Variants in STK38 observed in about 807,000 individuals in gnomAD.
STK38 encodes the protein serine/threonine-protein kinase 38.
STK38 carries 26 observed loss-of-function variants against 59.0 expected under a neutral mutation model. The ratio of observed to expected loss-of-function variants is 0.44; its 90% CI spans 0.32 to 0.61. The LOEUF (loss-of-function observed/expected upper bound fraction) is 0.61. Ranked by LOEUF, STK38 falls within the 20% of genes least tolerant of loss-of-function variation. STK38 has a pLI of 0.04. For missense variants in STK38, 433 were observed against 566.0 expected, an observed-to-expected ratio of 0.76 and a Z score of 2.38; for synonymous variants, 175 against 176.6, an observed-to-expected ratio of 0.99 and a Z score of 0.07.
intron 5 of STK38, among the ~76,000 whole-genome samples, chr6:36,520,769 C>G (rs555292224): frequency 3.1e-3 from 473 of 152,192 alleles, no homozygotes; most frequent in African/African-American, 6.8e-3. Context: ...TAAAGCTTCT[C>G]GGTAACACAT....
At chr6:36,518,776 A>C (rs1475125795) in intron 5 of STK38, among the ~76,000 whole-genome samples, 1 of 152,160 alleles carries the variant, frequency 6.6e-6, no homozygotes, top group Non-Finnish European at 1.5e-5. Context: ...TTCAGATCTA[A>C]ATTTATTAAG....
Position 36,525,645 on chromosome 6 carries a change from AAAAC to A in STK38, c.132-7_132-4del, listed in dbSNP as rs748717529. 15 of 1,610,522 alleles carry A rather than the reference AAAAC, an allele frequency of 9.3e-6. No homozygotes were observed. The highest frequency in any genetic ancestry group is 2.7e-5 in the African/African-American group (2 of 74,970). On this transcript the variant is annotated splice_polypyrimidine_tract_variant and splice_region_variant and intron_variant, in intron 2 of 13. Coordinates refer to ENST00000229812, the MANE Select transcript of STK38 (RefSeq NM_007271.4). ...TCACCTTTTCTAACTTCTTTTGTCT[AAAAC>A]AAACAAAAACAAAAGACATGAAATC...
intron 2 of STK38, among the ~76,000 whole-genome samples, chr6:36,536,744 C>A (rs1014051012): frequency 1.3e-5 from 2 of 151,812 alleles, no homozygotes; most frequent in Admixed American, 6.6e-5. Flanking sequence ...CCATGTTGGT[C>A]GGGCTGGTCT....
At chr6:36,511,786 C>T (rs1289465698) in intron 7 of STK38, among the ~76,000 whole-genome samples, 7 of 151,924 alleles carry the variant, frequency 4.6e-5, no homozygotes, top group Non-Finnish European at 7.4e-5. Context: ...TGGCTGGGCA[C>T]AGTGGCTCAC....
intron 1 of STK38, among the ~76,000 whole-genome samples, chr6:36,541,878 G>A (rs902994364): frequency 6.7e-6 from 1 of 150,110 alleles, no homozygotes; most frequent in African/African-American, 2.5e-5. Flanking sequence ...GCCCATGCTG[G>A]AGTACAATGA....
intron 3 of STK38, 91 bp downstream of exon 3, chr6:36,525,500 C>T: frequency 8.2e-7 from 1 of 1,223,148 alleles, no homozygotes; most frequent in Non-Finnish European, 1.2e-6. Context: ...GAGCCAAAAC[C>T]CTTCTCATGT....
At chr6:36,521,159 T>C (rs1381803701) in intron 5 of STK38, among the ~76,000 whole-genome samples, 1 of 152,248 alleles carries the variant, frequency 6.6e-6, no homozygotes, top group African/African-American at 2.4e-5. Context: ...TTTTAGAAAG[T>C]ATCCTTTATC....
chr6:36,547,058 C>G (rs947783356), intron 1 of STK38, 132 bp downstream of exon 1: 3 of 153,372 alleles, frequency 2.0e-5, no homozygotes, highest in African/African-American at 7.2e-5. Flanking sequence ...GGCCAAGAGG[C>G]TGAGAGGTTA....
rs2127464845 is a variant in STK38, at chr6:36,496,773, T to C, written c.1205A>G (p.Lys402Arg). ...ERPAAISIEIKSIDDTSNFDE... is the reference protein window; with the variant it reads ...ERPAAISIEIRSIDDTSNFDE... ...GAAGTTTGAGGTATCATCAATGCTT[T>C]TGATTTCAATAGATATTGCAGCAGG... Residue 402 changes from lysine to arginine, a missense_variant, in exon 13 of 14, where the codon AAA (lysine) becomes AGA (arginine). Lys to Arg is a conservative substitution (Grantham distance 26). Coordinates refer to ENST00000229812, the MANE Select transcript of STK38 (RefSeq NM_007271.4). 6 of 1,613,356 alleles carry C rather than the reference T, an allele frequency of 3.7e-6. No homozygotes were observed. Among genetic ancestry groups the C allele is most frequent in the Non-Finnish European group, 5.1e-6 (6 of 1,179,760 alleles).
intron 5 of STK38, among the ~76,000 whole-genome samples, chr6:36,518,945 T>A (rs1777320091): frequency 6.6e-6 from 1 of 152,212 alleles, no homozygotes; most frequent in East Asian, 1.9e-4. Flanking sequence ...GTTGTTTGGT[T>A]TAATACAATG....
At chr6:36,528,586 T>C (rs907161436) in intron 2 of STK38, among the ~76,000 whole-genome samples, 3 of 152,204 alleles carry the variant, frequency 2.0e-5, no homozygotes, top group African/African-American at 7.2e-5. Context: ...TGTGCATCTA[T>C]GCGTGCACAT....
At chr6:36,539,995 C>T in intron 2 of STK38, 77 bp downstream of exon 2, 1 of 1,580,418 alleles carries the variant, frequency 6.3e-7, no homozygotes. Flanking sequence ...TGTCTCCTTT[C>T]AGCATTATAA....
intron 9 of STK38, among the ~76,000 whole-genome samples, chr6:36,505,063 T>C (rs1223722040): frequency 2.0e-5 from 3 of 152,176 alleles, no homozygotes; most frequent in Non-Finnish European, 4.4e-5. Flanking sequence ...GTGGAGGTTC[T>C]CCACATTCAC....
At chr6:36,528,456 G>A (rs1582449342) in intron 2 of STK38, among the ~76,000 whole-genome samples, 1 of 152,154 alleles carries the variant, frequency 6.6e-6, no homozygotes, top group Non-Finnish European at 1.5e-5. Context: ...CTGGCAATAG[G>A]AGTCAAGAGA....
At chr6:36,500,908 A>T (rs1582404712) in intron 9 of STK38, among the ~76,000 whole-genome samples, 1 of 152,296 alleles carries the variant, frequency 6.6e-6, no homozygotes, top group East Asian at 1.9e-4. Context: ...AAACATTTAT[A>T]AATACCTATT....
intron 2 of STK38, among the ~76,000 whole-genome samples, chr6:36,537,339 T>C (rs2127489893): frequency 6.6e-6 from 1 of 152,320 alleles, no homozygotes; most frequent in East Asian, 1.9e-4. Context: ...TAGCAGTTTC[T>C]TATAAAACTA....
At chr6:36,532,309 TAA>T (rs1359068323) in intron 2 of STK38, among the ~76,000 whole-genome samples, 5 of 67,518 alleles carry the variant, frequency 7.4e-5, no homozygotes, top group Non-Finnish European at 3.2e-5. Flanking sequence ...CTTGTCTGCA[TAA>T]AAAAAAAAAA....
chr6:36,535,566 A>G (rs116378343), intron 2 of STK38, among the ~76,000 whole-genome samples: 3,030 of 152,226 alleles, frequency 0.02, 47 homozygotes, highest in Non-Finnish European at 0.03. Context: ...ACTGATCTAC[A>G]GAGTCAATAT....
intron 5 of STK38, among the ~76,000 whole-genome samples, chr6:36,519,388 T>G: frequency 6.6e-6 from 1 of 152,122 alleles, no homozygotes; most frequent in Non-Finnish European, 1.5e-5. Context: ...TACAAGACAT[T>G]AATACAGTAG....
Sources: gnomAD v4.1 joint callset for allele counts (sites outside exome capture counted in the v4.1 genomes callset) on GRCh38, gnomAD v4.1.1 for gene constraint, MANE v1.5 for transcripts, NCBI Gene and HGNC (gene_info 2026-07-23, HGNC 2026-07-21) for gene names.